The following KREMEN1 variants were observed in gnomAD, a reference collection of about 807,000 sequenced individuals.
KREMEN1 encodes the protein kremen protein 1.
A neutral mutation model predicts 46.5 loss-of-function variants in KREMEN1; 30 were observed. That is an observed-to-expected ratio of 0.65 (90% CI 0.48 to 0.88). The LOEUF (loss-of-function observed/expected upper bound fraction) is 0.88, where lower values mean the gene tolerates loss of function less well. Among genes scored for constraint, KREMEN1 ranks in the 40% least tolerant of loss-of-function variants. KREMEN1 has a pLI of 0.00. For missense variants in KREMEN1, 533 were observed against 596.9 expected, an observed-to-expected ratio of 0.89 and a Z score of 1.11; for synonymous variants, 214 against 230.6, an observed-to-expected ratio of 0.93 and a Z score of 0.65.
chr22:29,162,116 CAAA>C (rs916172669), intron 9 of KREMEN1, among the ~76,000 whole-genome samples: 2 of 118,766 alleles, frequency 1.7e-5, no homozygotes, highest in African/African-American at 3.1e-5. Context: ...GACTCTACCT[CAAA>C]AAAAAAAAAA....
At chr22:29,165,498 C>T (rs2039045603) in intron 9 of KREMEN1, among the ~76,000 whole-genome samples, 1 of 152,128 alleles carries the variant, frequency 6.6e-6, no homozygotes, top group South Asian at 2.1e-4. Context: ...GGTGACCGTA[C>T]CAGGGCATGA....
intron 3 of KREMEN1, among the ~76,000 whole-genome samples, chr22:29,118,374 G>T (rs910221395): frequency 6.6e-6 from 1 of 152,128 alleles, no homozygotes; most frequent in African/African-American, 2.4e-5. Context: ...TCAGGGGGAG[G>T]AGATTATACA....
chr22:29,080,332 A>G (rs1231572124), intron 1 of KREMEN1, among the ~76,000 whole-genome samples: 1 of 152,356 alleles, frequency 6.6e-6, no homozygotes. Context: ...CCTCGTCTAT[A>G]CAGGCCTTTT....
chr22:29,099,245 G>A (rs574203718), intron 3 of KREMEN1: 39 of 282,178 alleles, frequency 1.4e-4, no homozygotes, highest in South Asian at 7.6e-4. Flanking sequence ...GAGGGCAACC[G>A]CTCAGAAGCA....
At chr22:29,095,796 T>A (rs2037874748) in intron 2 of KREMEN1, among the ~76,000 whole-genome samples, 1 of 152,166 alleles carries the variant, frequency 6.6e-6, no homozygotes, top group Admixed American at 6.5e-5. Flanking sequence ...CCTTTCTCTA[T>A]CTTGTATCAA....
At chr22:29,118,658 A>G (rs1601786311) in intron 3 of KREMEN1, among the ~76,000 whole-genome samples, 1 of 152,126 alleles carries the variant, frequency 6.6e-6, no homozygotes, top group East Asian at 1.9e-4. Flanking sequence ...AGCCATCATA[A>G]TCTCATCTAA....
intron 9 of KREMEN1, among the ~76,000 whole-genome samples, chr22:29,162,820 C>T (rs914737073): frequency 1.6e-4 from 25 of 152,090 alleles, no homozygotes; most frequent in African/African-American, 4.6e-4. Context: ...GTGTGCATTG[C>T]GGCACTATTC....
In KREMEN1 at chr22:29,159,716, C is replaced by T. The variant is rs2038994111; in HGVS notation, c.1417-7328C>T. Among the ~76,000 whole-genome samples, 6 of 152,220 alleles carry T rather than the reference C, an allele frequency of 3.9e-5. 1 individual carries two copies. In the South Asian group the frequency reaches 1.2e-3, roughly 32 times the overall value. Reference sequence around the variant, plus strand: ...GCTAAGGAGCAAGACTGGTCAGAAACAGGTGCTTACTGGTGAGAGATTTTT... The same window carrying T: ...GCTAAGGAGCAAGACTGGTCAGAAATAGGTGCTTACTGGTGAGAGATTTTT... On this transcript the variant is annotated intron_variant, in intron 9 of 9. Coordinates refer to the KREMEN1 transcript ENST00000327813.
rs2037518877 is a variant in KREMEN1 at position 29,073,825 on chromosome 22, C to G, written c.97+598C>G. 6.6e-6 allele frequency among the ~76,000 whole-genome samples: 1 copy of G among 152,034 alleles called. No individual in the cohort carries two copies. ...CGACCCCTCCCGGGCCGGGACGACCCCTGCTCCCCAGTACCTCCTGGGATC... is the reference window on the plus strand; with the variant it reads ...CGACCCCTCCCGGGCCGGGACGACCGCTGCTCCCCAGTACCTCCTGGGATC... On this transcript the variant is annotated intron_variant, in intron 1 of 8. Transcript: ENST00000400335. This position sits in a 1 kb window ranked among gnomAD's most constrained non-coding sequence, Gnocchi z 4.4.
At position 29,136,943 on chromosome 22, in the gene KREMEN1, G is replaced by T. The variant is rs147567827; in HGVS notation, c.632-399G>T. 3.2e-3 allele frequency among the ~76,000 whole-genome samples: 491 copies of T among 152,264 alleles called. 3 individuals are homozygous for T. The highest frequency in any genetic ancestry group is 0.011 in the African/African-American group (477 of 41,546). ...GTGGCCTGAGTGGTTCGTGTGCTTT[G>T]TCTCATGTGCCATCACACATTCCCG... On this transcript the variant is annotated intron_variant, in intron 5 of 8. Transcript: ENST00000400335.
chr22:29,160,660 CA>C (rs1243842708), intron 9 of KREMEN1, among the ~76,000 whole-genome samples: 1 of 151,136 alleles, frequency 6.6e-6, no homozygotes, highest in African/African-American at 2.4e-5. Flanking sequence ...GGCACAAAAT[CA>C]AAAAAATTCT....
intron 9 of KREMEN1, among the ~76,000 whole-genome samples, chr22:29,152,039 G>A (rs1001875982): frequency 6.6e-6 from 1 of 150,430 alleles, no homozygotes; most frequent in African/African-American, 2.4e-5. Context: ...ACAGGAGTCA[G>A]GATTTGAGCC....
At chr22:29,122,708 G>A (rs1158790669) in intron 4 of KREMEN1, among the ~76,000 whole-genome samples, 3 of 152,096 alleles carry the variant, frequency 2.0e-5, no homozygotes, top group Non-Finnish European at 2.9e-5. Context: ...GGGAGGCCAA[G>A]GTGGGTGGAT....
chr22:29,094,506 G>A lies in KREMEN1; in HGVS notation c.260+86G>A, dbSNP rs1302228959. 4 of 1,304,804 alleles carry A rather than the reference G, an allele frequency of 3.1e-6. No individual in the cohort carries two copies. In the East Asian group the frequency reaches 1.0e-4, roughly 33 times the overall value. 80.8% of individuals were successfully genotyped at this position (1,304,804 alleles called of 1,614,324 possible). A position where few individuals can be genotyped will look rare whatever the true frequency, so the allele number is the denominator to read the frequency against. Reference sequence around the variant, plus strand: ...CCCCTTTCATCCCAGCTCACAACTAGGGGAAGTCTTTTGACCAACTCAAGA... The same window carrying A: ...CCCCTTTCATCCCAGCTCACAACTAAGGGAAGTCTTTTGACCAACTCAAGA... On this transcript the variant is annotated intron_variant, in intron 2 of 8. Coordinates refer to ENST00000400335, the MANE Select transcript of KREMEN1 (RefSeq NM_001039570.3).
rs921467839 is a variant in KREMEN1, at chr22:29,145,987, C to T, written c.*3875C>T. 1.0e-6 allele frequency: 1 copy of T among 985,868 alleles called. No individual in the cohort carries two copies. The highest frequency in any genetic ancestry group is 1.7e-5 in the African/African-American group (1 of 57,212). The allele number at this position is 985,868 out of a possible 1,614,324, so 61.1% of individuals were successfully genotyped here. ...CAGCCCAGCCAGGCCATCACCCAGC[C>T]CCGATGCATCCTGGCACTGCACGCT... On this transcript the variant is annotated 3_prime_UTR_variant, in exon 9 of 9. Coordinates refer to ENST00000400335, the MANE Select transcript of KREMEN1 (RefSeq NM_001039570.3).
chr22:29,077,422 T>C (rs2037590273), intron 1 of KREMEN1, among the ~76,000 whole-genome samples: 2 of 152,204 alleles, frequency 1.3e-5, no homozygotes, highest in African/African-American at 4.8e-5. Context: ...CAATCTCGGC[T>C]CACTGCAACC....
chr22:29,153,522 C>CT (rs1013818991), intron 9 of KREMEN1, among the ~76,000 whole-genome samples: 36 of 150,094 alleles, frequency 2.4e-4, no homozygotes, highest in South Asian at 4.2e-4. Context: ...CTGATTTTTT[C>CT]TTTTTTTTTT....
At chr22:29,141,749 C>T (rs946101438) in intron 8 of KREMEN1, among the ~76,000 whole-genome samples, 195 bp from the exon 9 acceptor site, 1 of 152,232 alleles carries the variant, frequency 6.6e-6, no homozygotes, top group Non-Finnish European at 1.5e-5. Flanking sequence ...CGCTGCCCTG[C>T]TGCACTTGGC....
chr22:29,138,115 A>G (rs1208597124), intron 6 of KREMEN1, among the ~76,000 whole-genome samples: 1 of 152,244 alleles, frequency 6.6e-6, no homozygotes, highest in African/African-American at 2.4e-5. Flanking sequence ...TGCCTCTGTA[A>G]TGTGAGCACA....
Sources: allele counts gnomAD v4.1 joint callset (sites outside exome capture counted in the v4.1 genomes callset), GRCh38; gene constraint gnomAD v4.1.1; non-coding constraint Gnocchi (gnomAD v3.1); transcripts MANE v1.5; gene names NCBI Gene and HGNC (gene_info 2026-07-23, HGNC 2026-07-21).